The following NEK6 variants were observed in gnomAD, a reference collection of about 807,000 sequenced individuals.
NEK6 encodes the protein NIMA related kinase 6, also known as serine/threonine-protein kinase Nek6.
Under a neutral mutation model 43.5 loss-of-function variants are expected in NEK6, and 27 were observed. That is an observed-to-expected ratio of 0.62 (90% CI 0.46 to 0.86). NEK6 has a LOEUF of 0.86. NEK6 is among the 40% of genes least tolerant of loss of function. The probability of loss-of-function intolerance (pLI) is 0.00; values close to 1 mark genes in which losing one functional copy is unlikely to be tolerated. For synonymous variants in NEK6, 167 were observed against 164.1 expected, an observed-to-expected ratio of 1.02 and a Z score of -0.14; for missense variants, 318 against 414.4, an observed-to-expected ratio of 0.77 and a Z score of 2.02.
In NEK6 at chr9:124,275,935, T is replaced by G. The variant is rs946819812; in HGVS notation, c.-30+17850T>G. ...CCAGCTCTGTGACTCACATACCCATTGTGCCTGCTGCGGTGATCCTTTAAA... is the reference window on the plus strand; with the variant it reads ...CCAGCTCTGTGACTCACATACCCATGGTGCCTGCTGCGGTGATCCTTTAAA... On this transcript the variant is annotated intron_variant, in intron 1 of 9. Coordinates refer to ENST00000320246, the MANE Select transcript of NEK6 (RefSeq NM_014397.6). The surrounding 1 kb of genome is among the most constrained non-coding windows in gnomAD (Gnocchi z 4.4). 6.6e-6 allele frequency among the ~76,000 whole-genome samples: 1 copy of G among 152,202 alleles called. No individual in the cohort carries two copies. Among genetic ancestry groups the G allele is most frequent in the Non-Finnish European group, 1.5e-5 (1 of 68,034 alleles).
chr9:124,258,177 G>A, intron 1 of NEK6, 92 bp downstream of exon 1: 2 of 975,964 alleles, frequency 2.0e-6, no homozygotes, highest in Non-Finnish European at 2.4e-6. Context: ...CCCCAGCCGG[G>A]CCGAGGGCGG....
chr9:124,263,531 G>A (rs545213588), intron 1 of NEK6, among the ~76,000 whole-genome samples: 1 of 152,246 alleles, frequency 6.6e-6, no homozygotes, highest in Non-Finnish European at 1.5e-5. Flanking sequence ...CAGATGCTCA[G>A]CGCCTTTTAA....
rs1188857729 is a variant in NEK6, at chr9:124,301,926, T to C, written c.-29-10T>C. 6.4e-7 allele frequency: 1 copy of C among 1,561,904 alleles called. No homozygotes were observed. The highest frequency in any genetic ancestry group is 8.7e-7 in the Non-Finnish European group (1 of 1,151,796). The stretch of plus-strand genomic sequence containing the variant: ...AGAGAAAGTGAACAGGCCGCTGTTT[T>C]CTGTTGCAGTTCGTGCCCTCGTGAG... On this transcript the variant is annotated splice_polypyrimidine_tract_variant and intron_variant, in intron 1 of 9. Coordinates refer to ENST00000320246, the MANE Select transcript of NEK6 (RefSeq NM_014397.6).
At chr9:124,311,289 G>C (rs913261633) in intron 2 of NEK6, among the ~76,000 whole-genome samples, 1 of 152,222 alleles carries the variant, frequency 6.6e-6, no homozygotes, top group Non-Finnish European at 1.5e-5. Context: ...AAGTTGAACT[G>C]CTTGTTCTGG....
chr9:124,273,763 C>T (rs189961916), intron 1 of NEK6, among the ~76,000 whole-genome samples: 3 of 152,312 alleles, frequency 2.0e-5, no homozygotes, highest in Admixed American at 2.0e-4. Context: ...AGCCTCACTG[C>T]AGCAGGGGAG....
intron 1 of NEK6, chr9:124,261,523 G>T (rs1209553079): frequency 1.0e-6 from 1 of 985,332 alleles, no homozygotes; most frequent in Admixed American, 6.1e-5. Flanking sequence ...CTGGCCCCCT[G>T]ATGTCACCTT....
chr9:124,315,533 A>C (rs1833770793), intron 4 of NEK6, among the ~76,000 whole-genome samples: 1 of 152,150 alleles, frequency 6.6e-6, no homozygotes, highest in African/African-American at 2.4e-5. Context: ...TCCCTCGAAA[A>C]CATTGTTTAA....
At position 124,353,225 on chromosome 9, in the gene NEK6, C is replaced by G. The variant is rs759956581; in HGVS notation, c.*2278C>G. ...CAAAACCAAACCAAACCTGAGGCCA[C>G]CCCAAACAAATTCAGCCAGCAAAAA... On this transcript the variant is annotated 3_prime_UTR_variant, in exon 10 of 10. Transcript: ENST00000320246. 4.5e-6 allele frequency: 1 copy of G among 221,736 alleles called. No homozygotes were observed. The highest frequency in any genetic ancestry group is 2.3e-5 in the African/African-American group (1 of 43,106). The allele number at this position is 221,736 out of a possible 1,614,324, so 13.7% of individuals were successfully genotyped here.
chr9:124,298,610 G>T (rs1198841427), intron 1 of NEK6, among the ~76,000 whole-genome samples: 1 of 152,116 alleles, frequency 6.6e-6, no homozygotes, highest in Non-Finnish European at 1.5e-5. Flanking sequence ...GGCCCATTCG[G>T]GGTGGAGCCA....
At chr9:124,293,964 TCA>T (rs1379327447) in intron 1 of NEK6, among the ~76,000 whole-genome samples, 1 of 152,238 alleles carries the variant, frequency 6.6e-6, no homozygotes, top group Non-Finnish European at 1.5e-5. Context: ...CACTGTGTGC[TCA>T]CAGAGTCCTC....
Position 124,334,666 on chromosome 9 carries a change from A to G in NEK6, c.623-4905A>G, listed in dbSNP as rs1829196582. On this transcript the variant is annotated intron_variant, in intron 7 of 9. Coordinates refer to ENST00000320246, the MANE Select transcript of NEK6 (RefSeq NM_014397.6). Reference sequence around the variant, plus strand: ...GCTGAGCAGCCGGCTCTCCCTGGCCAGGGGAGGGGACCTTAAAGGAGCCCG... The same window carrying G: ...GCTGAGCAGCCGGCTCTCCCTGGCCGGGGGAGGGGACCTTAAAGGAGCCCG... Among the ~76,000 whole-genome samples, 2 of 152,252 alleles carry G rather than the reference A, an allele frequency of 1.3e-5. 1 individual carries two copies. Among genetic ancestry groups the G allele is most frequent in the South Asian group, 4.1e-4 (2 of 4,836 alleles).
intron 2 of NEK6, among the ~76,000 whole-genome samples, chr9:124,311,549 C>G (rs73666857): frequency 0.015 from 2,332 of 152,300 alleles, 56 homozygotes; most frequent in African/African-American, 0.052. Flanking sequence ...GTGGTCTCAC[C>G]TGGAGGCTCC....
At chr9:124,299,750 A>G (rs1213030576) in intron 1 of NEK6, among the ~76,000 whole-genome samples, 1 of 152,114 alleles carries the variant, frequency 6.6e-6, no homozygotes, top group East Asian at 1.9e-4. Flanking sequence ...CTGTGTGCAC[A>G]GACTAAAAAG....
intron 1 of NEK6, 166 bp downstream of exon 1, chr9:124,258,251 G>C: frequency 4.1e-6 from 4 of 983,778 alleles, no homozygotes; most frequent in Non-Finnish European, 4.8e-6. Context: ...GCGCGGGGCT[G>C]AGCGTGTCGG....
At chr9:124,345,378 G>A (rs1040593474) in intron 8 of NEK6, among the ~76,000 whole-genome samples, 2 of 152,244 alleles carry the variant, frequency 1.3e-5, no homozygotes, top group Non-Finnish European at 2.9e-5. Context: ...GGCAGGCTGG[G>A]GCGGATGGAG....
In NEK6 at chr9:124,351,198, C is replaced by A. The variant is rs1830257723; in HGVS notation, c.*251C>A. ...CTGTTGTGGACAATCTCAGCTGGGT[C>A]AATAAGGGCAGGTGGTTCAGCGAGC... On this transcript the variant is annotated 3_prime_UTR_variant, in exon 10 of 10. Transcript: ENST00000320246. 2 of 406,964 alleles carry A rather than the reference C, an allele frequency of 4.9e-6. No individual in the cohort carries two copies. The highest frequency in any genetic ancestry group is 8.1e-5 in the Admixed American group (2 of 24,744). The allele number at this position is 406,964 out of a possible 1,614,324, so 25.2% of individuals were successfully genotyped here. A position where few individuals can be genotyped will look rare whatever the true frequency, so the allele number is the denominator to read the frequency against.
At chr9:124,262,431 G>A (rs930057511) in intron 1 of NEK6, among the ~76,000 whole-genome samples, 1 of 152,246 alleles carries the variant, frequency 6.6e-6, no homozygotes, top group Non-Finnish European at 1.5e-5. Flanking sequence ...ATTTTGACAT[G>A]TGTCCCTCTA....
At chr9:124,284,787 T>C (rs1251932703) in intron 1 of NEK6, among the ~76,000 whole-genome samples, 1 of 152,210 alleles carries the variant, frequency 6.6e-6, no homozygotes, top group Non-Finnish European at 1.5e-5. Context: ...GAGCTTCCCT[T>C]AATGACACAG....
intron 1 of NEK6, among the ~76,000 whole-genome samples, chr9:124,290,030 C>T (rs1456288868): frequency 6.6e-6 from 1 of 152,242 alleles, no homozygotes; most frequent in African/African-American, 2.4e-5. Flanking sequence ...AGGAGAGCGA[C>T]ACAGGAAGGT....
Sources: gnomAD v4.1 joint callset for allele counts (sites outside exome capture counted in the v4.1 genomes callset) on GRCh38, gnomAD v4.1.1 for gene constraint, Gnocchi (gnomAD v3.1) non-coding constraint, MANE v1.5 for transcripts, NCBI Gene and HGNC (gene_info 2026-07-23, HGNC 2026-07-21) for gene names.